The following IL1RAPL1 variants were observed in gnomAD, a reference collection of about 807,000 sequenced individuals.
IL1RAPL1 encodes the protein interleukin 1 receptor accessory protein like 1, also known as interleukin-1 receptor accessory protein-like 1.
A neutral mutation model predicts 48.4 loss-of-function variants in IL1RAPL1; 3 were observed. The ratio of observed to expected loss-of-function variants is 0.06; its 90% CI spans 0.03 to 0.16. IL1RAPL1 has a LOEUF of 0.16. Among genes scored for constraint, IL1RAPL1 ranks in the 10% least tolerant of loss-of-function variants. The pLI is 1.00. For missense variants in IL1RAPL1, 349 were observed against 530.6 expected, an observed-to-expected ratio of 0.66 and a Z score of 3.36; for synonymous variants, 185 against 187.7, an observed-to-expected ratio of 0.99 and a Z score of 0.12.
intron 2 of IL1RAPL1, among the ~76,000 whole-genome samples, chrX:28,932,849 A>G (rs1320521365): frequency 9.0e-6 from 1 of 110,889 alleles, no homozygotes; most frequent in Non-Finnish European, 1.9e-5. Flanking sequence ...TCCTTATGAT[A>G]TTTTAAGTGT....
chrX:29,180,194 G>A (rs898526910), intron 2 of IL1RAPL1, among the ~76,000 whole-genome samples: 1 of 109,071 alleles, frequency 9.2e-6, no homozygotes, highest in African/African-American at 3.3e-5. Flanking sequence ...AAGGATGGTT[G>A]TCAGTGCAAT....
chrX:28,955,521 A>G (rs1248983628), intron 2 of IL1RAPL1, among the ~76,000 whole-genome samples: 6 of 109,868 alleles, frequency 5.5e-5, no homozygotes, highest in African/African-American at 2.0e-4. Flanking sequence ...TCCCAGCACC[A>G]TTTATTAAAT....
At chrX:29,237,685 T>C (rs1156777509) in intron 2 of IL1RAPL1, among the ~76,000 whole-genome samples, 1 of 112,203 alleles carries the variant, frequency 8.9e-6, no homozygotes, top group African/African-American at 3.2e-5. Flanking sequence ...TCATGTTTTA[T>C]GGTTGTTAGT....
chrX:28,634,245 G>A (rs956604509), intron 1 of IL1RAPL1, among the ~76,000 whole-genome samples: 1 of 109,504 alleles, frequency 9.1e-6, no homozygotes, highest in African/African-American at 3.3e-5. Context: ...CAAGCCATCT[G>A]CCTGCCTAGG....
At chrX:29,441,131 G>T (rs190511513) in intron 5 of IL1RAPL1, among the ~76,000 whole-genome samples, 1 of 110,434 alleles carries the variant, frequency 9.1e-6, no homozygotes, top group East Asian at 2.8e-4. Flanking sequence ...CTCTTTCAAA[G>T]AACCCATCCT....
intron 1 of IL1RAPL1, among the ~76,000 whole-genome samples, chrX:28,736,490 T>G (rs1935827706): frequency 9.0e-6 from 1 of 111,407 alleles, no homozygotes; most frequent in Non-Finnish European, 1.9e-5. Flanking sequence ...CTCTCTTGCC[T>G]TACAAAACTC....
chrX:29,496,613 A>G (rs978643476), intron 5 of IL1RAPL1, among the ~76,000 whole-genome samples: 11 of 110,409 alleles, frequency 1.0e-4, no homozygotes, highest in African/African-American at 3.6e-4. Context: ...CCATGAGCCA[A>G]TTAAATCCGT....
chrX:29,399,477 T>A (rs1933960865), intron 5 of IL1RAPL1, among the ~76,000 whole-genome samples, 169 bp downstream of exon 5: 1 of 112,264 alleles, frequency 8.9e-6, no homozygotes, highest in South Asian at 3.7e-4. Context: ...CATCTTCCAC[T>A]GAAGTCCATT....
intron 5 of IL1RAPL1, among the ~76,000 whole-genome samples, chrX:29,459,293 ACT>A (rs1301990123): frequency 8.9e-6 from 1 of 111,824 alleles, no homozygotes; most frequent in Non-Finnish European, 1.9e-5. Context: ...AGAAATATAG[ACT>A]CTGTGTAGAG....
intron 2 of IL1RAPL1, among the ~76,000 whole-genome samples, chrX:28,891,182 C>T (rs773395481): frequency 6.3e-5 from 7 of 111,805 alleles, no homozygotes; most frequent in Non-Finnish European, 1.1e-4. Context: ...TCTGAGTTTA[C>T]TTGGTCTCTT....
At chrX:29,533,971 A>G (rs1301460984) in intron 5 of IL1RAPL1, among the ~76,000 whole-genome samples, 1 of 111,341 alleles carries the variant, frequency 9.0e-6, no homozygotes, top group Non-Finnish European at 1.9e-5. Context: ...TCATAAATAG[A>G]TTAAGGTTGT....
intron 1 of IL1RAPL1, among the ~76,000 whole-genome samples, chrX:28,718,998 C>T (rs1005635682): frequency 1.8e-5 from 2 of 111,448 alleles, no homozygotes; most frequent in Non-Finnish European, 1.9e-5. Flanking sequence ...TGCAAATAGT[C>T]ATATGTGTTT....
intron 2 of IL1RAPL1, among the ~76,000 whole-genome samples, chrX:29,011,061 T>G (rs770533698): frequency 8.9e-6 from 1 of 112,205 alleles, no homozygotes; most frequent in South Asian, 3.7e-4. Context: ...AGTCAACTTA[T>G]GTTCCAGTTC....
At chrX:28,871,042 G>A (rs1212392606) in intron 2 of IL1RAPL1, among the ~76,000 whole-genome samples, 2 of 111,533 alleles carry the variant, frequency 1.8e-5, no homozygotes, top group Non-Finnish European at 3.8e-5. Flanking sequence ...TTAATTTGTG[G>A]CTTAATTATT....
chrX:28,942,655 A>AGT (rs1924193818), intron 2 of IL1RAPL1: 5 of 107,130 alleles, frequency 4.7e-5, no homozygotes, highest in African/African-American at 1.7e-4. Flanking sequence ...AATAGTAAAA[A>AGT]AAAAAAAAAA....
At chrX:29,150,852 G>C (rs946005822) in intron 2 of IL1RAPL1, among the ~76,000 whole-genome samples, 3 of 106,702 alleles carry the variant, frequency 2.8e-5, no homozygotes, top group Non-Finnish European at 5.8e-5. Flanking sequence ...AAACCGGGAG[G>C]CGGAGGTTGC....
intron 2 of IL1RAPL1, among the ~76,000 whole-genome samples, chrX:29,040,715 T>TACC (rs1926828448): frequency 8.9e-6 from 1 of 112,188 alleles, no homozygotes; most frequent in Non-Finnish European, 1.9e-5. Context: ...TGTTCACGCT[T>TACC]TATGGTGTAG....
chrX:29,820,728 T>C (rs1930593438), intron 6 of IL1RAPL1, among the ~76,000 whole-genome samples: 1 of 112,121 alleles, frequency 8.9e-6, no homozygotes, highest in African/African-American at 3.2e-5. Flanking sequence ...AATTAGAAGT[T>C]CCAGCTCTGA....
At chrX:29,561,640 G>T (rs765950599) in intron 5 of IL1RAPL1, among the ~76,000 whole-genome samples, 1 of 111,980 alleles carries the variant, frequency 8.9e-6, no homozygotes, top group South Asian at 3.7e-4. Flanking sequence ...TTGGCACTGA[G>T]CTGTGTGCTG....
Sources: allele counts gnomAD v4.1 joint callset (sites outside exome capture counted in the v4.1 genomes callset), GRCh38; gene constraint gnomAD v4.1.1; transcripts MANE v1.5; gene names NCBI Gene and HGNC (gene_info 2026-07-23, HGNC 2026-07-21).